TNR: variants seen among roughly 807,000 people sequenced by gnomAD.
The protein encoded by TNR is tenascin-R.
Under a neutral mutation model 150.4 loss-of-function variants are expected in TNR, and 45 were observed. The ratio of observed to expected loss-of-function variants is 0.30; its 90% CI spans 0.24 to 0.38. The LOEUF (loss-of-function observed/expected upper bound fraction) is 0.38, where lower values mean the gene tolerates loss of function less well. Ranked by LOEUF, TNR falls within the 10% of genes least tolerant of loss-of-function variation. The pLI is 1.00. For missense variants in TNR, 1,544 were observed against 1,759.1 expected (o/e 0.88, Z 2.19); for synonymous variants, 687 against 678.4 (o/e 1.01, Z -0.20).
intron 1 of TNR, among the ~76,000 whole-genome samples, chr1:175,596,793 G>A (rs1472241830): frequency 6.6e-6 from 1 of 152,124 alleles, no homozygotes; most frequent in Non-Finnish European, 1.5e-5. Flanking sequence ...AAGTCATAAA[G>A]CTCAGCCTTT....
At chr1:175,688,218 G>A (rs964701013) in intron 1 of TNR, among the ~76,000 whole-genome samples, 2 of 152,220 alleles carry the variant, frequency 1.3e-5, no homozygotes, top group African/African-American at 4.8e-5. Context: ...TGGGTACAGG[G>A]AGGAGCCCCA....
chr1:175,418,384 T>C (rs1444629924), intron 2 of TNR, among the ~76,000 whole-genome samples: 1 of 152,162 alleles, frequency 6.6e-6, no homozygotes, highest in East Asian at 1.9e-4. Flanking sequence ...GCTTTTGAGC[T>C]GGGTCTTGAA....
chr1:175,353,417 T>C (rs140924866), intron 18 of TNR, among the ~76,000 whole-genome samples: 3 of 152,364 alleles, frequency 2.0e-5, no homozygotes, highest in East Asian at 1.9e-4. Flanking sequence ...TTTCCTGTTA[T>C]AGAGATTAGG....
intron 1 of TNR, among the ~76,000 whole-genome samples, chr1:175,624,496 T>C (rs923744680): frequency 6.6e-5 from 10 of 152,126 alleles, no homozygotes; most frequent in African/African-American, 2.4e-4. Flanking sequence ...AAGAACTCCA[T>C]GTAACAACAG....
Position 175,633,555 on chromosome 1 carries a change from A to G in TNR, c.-164-105186T>C, listed in dbSNP as rs1158642702. Among the ~76,000 whole-genome samples the G allele has an allele frequency of 2.6e-5, 4 of 152,192 alleles. No individual in the cohort carries two copies. The East Asian group carries it at 7.7e-4, about 29-fold the overall frequency. On this transcript the variant is annotated intron_variant, in intron 1 of 22. Transcript: ENST00000367674. ...CTTTCAAGGTGGCATATGTAATTAC[A>G]ATTAATTAAATATTCTGCTACCTAA...
chr1:175,367,097 T>C, intron 10 of TNR, 111 bp downstream of exon 10: 2 of 873,086 alleles, frequency 2.3e-6, no homozygotes, highest in Non-Finnish European at 1.9e-6. Flanking sequence ...ACCAGAGCCC[T>C]GTTCACTGGA....
chr1:175,655,446 T>C (rs893429537), intron 1 of TNR, among the ~76,000 whole-genome samples: 1 of 152,228 alleles, frequency 6.6e-6, no homozygotes, highest in Non-Finnish European at 1.5e-5. Context: ...AGAGAGGCTG[T>C]ATACTGTCAC....
intron 2 of TNR, among the ~76,000 whole-genome samples, chr1:175,494,799 T>G (rs548330137): frequency 6.6e-6 from 1 of 152,184 alleles, no homozygotes; most frequent in Non-Finnish European, 1.5e-5. Context: ...AATGCCTCAA[T>G]GATATCGAAG....
At position 175,558,560 on chromosome 1, in the gene TNR, C is replaced by G. The variant is rs533303910; in HGVS notation, c.-164-30191G>C. On this transcript the variant is annotated intron_variant, in intron 1 of 22. Coordinates refer to ENST00000367674, the MANE Select transcript of TNR (RefSeq NM_003285.3). ...AAAGTCATATTCTGAACTACTATGA[C>G]ATACTGCTCCAATCTTGTTAGAATG... 1.8e-4 allele frequency among the ~76,000 whole-genome samples: 27 copies of G among 152,298 alleles called. No homozygotes were observed. In the East Asian group the frequency reaches 5.2e-3, roughly 29 times the overall value.
intron 1 of TNR, among the ~76,000 whole-genome samples, chr1:175,637,712 C>T (rs559628886): frequency 6.6e-6 from 1 of 152,144 alleles, no homozygotes; most frequent in Non-Finnish European, 1.5e-5. Flanking sequence ...GTTGGATGAA[C>T]TTCAGTGCGG....
At chr1:175,430,869 TGGGTTGTTTTATATTTTGTA>T (rs1312921891) in intron 2 of TNR, among the ~76,000 whole-genome samples, 2 of 152,178 alleles carry the variant, frequency 1.3e-5, no homozygotes, top group Non-Finnish European at 2.9e-5. Context: ...ACTGCAATAA[TGGGTTGTTTTATATTTTGTA>T]GTAAAAAATA....
chr1:175,595,246 T>A (rs912465846), intron 1 of TNR, among the ~76,000 whole-genome samples: 1 of 152,178 alleles, frequency 6.6e-6, no homozygotes, highest in Non-Finnish European at 1.5e-5. Context: ...TGGTAGAGAA[T>A]GCATTATGTG....
At chr1:175,326,333 T>C (rs1649394442) in intron 21 of TNR, among the ~76,000 whole-genome samples, 1 of 152,204 alleles carries the variant, frequency 6.6e-6, no homozygotes, top group South Asian at 2.1e-4. Context: ...GCTTTTGAGC[T>C]TGTGTTAAGC....
At chr1:175,334,242 C>T (rs763155798) in intron 20 of TNR, among the ~76,000 whole-genome samples, 7 of 152,176 alleles carry the variant, frequency 4.6e-5, no homozygotes, top group Non-Finnish European at 1.0e-4. Context: ...TGGCTGGCTG[C>T]CCTCCTCACT....
intron 2 of TNR, among the ~76,000 whole-genome samples, chr1:175,471,772 T>A (rs1248471842): frequency 6.6e-6 from 1 of 152,186 alleles, no homozygotes; most frequent in African/African-American, 2.4e-5. Flanking sequence ...TTTTCTTCAA[T>A]TATAAATTAA....
chr1:175,681,041 A>C (rs1345445842), intron 1 of TNR, among the ~76,000 whole-genome samples: 1 of 152,170 alleles, frequency 6.6e-6, no homozygotes, highest in Non-Finnish European at 1.5e-5. Context: ...AGTGCCTGGC[A>C]CATAGGAAGA....
chr1:175,395,590 A>G (rs1387578108), intron 5 of TNR, among the ~76,000 whole-genome samples: 2 of 124,432 alleles, frequency 1.6e-5, no homozygotes, highest in Non-Finnish European at 3.4e-5. Context: ...GACTTTCCAC[A>G]TAAGGCACAG....
At position 175,356,352 on chromosome 1, in the gene TNR, T is replaced by C; in HGVS notation, c.3085A>G (p.Thr1029Ala). The C allele has an allele frequency of 3.1e-6, 5 of 1,614,000 alleles. No individual in the cohort carries two copies. The highest frequency in any genetic ancestry group is 4.2e-6 in the Non-Finnish European group (5 of 1,179,936). The change falls in exon 16 of 23, where the codon ACC (threonine) becomes GCC (alanine). Residue 1029 changes from threonine to alanine, a missense_variant. Physicochemically the swap from Thr to Ala is moderately conservative, Grantham distance 58 (BLOSUM62 0). Around this residue, in one of 2 missense-constraint regions of TNR, gnomAD observed 1,254 missense variants for 1,329.4 expected, o/e 0.94. Coordinates refer to ENST00000367674, the MANE Select transcript of TNR (RefSeq NM_003285.3). ...AAGTTGGTGCTGATGGTGCCACTGG[T>C]GAGAGGTCCATTGGTGGCATACATG... ...ATMYATNGPL[T>A]SGTISTNFST...
chr1:175,343,795 T>G (rs945827329), intron 18 of TNR, among the ~76,000 whole-genome samples: 3 of 152,174 alleles, frequency 2.0e-5, no homozygotes, highest in African/African-American at 7.2e-5. Context: ...TCTGAAAACA[T>G]TTGGGACAAC....
Sources: allele counts gnomAD v4.1 joint callset (sites outside exome capture counted in the v4.1 genomes callset), GRCh38; gene constraint gnomAD v4.1.1; regional missense constraint gnomAD v4.1.1; transcripts MANE v1.5; gene names NCBI Gene and HGNC (gene_info 2026-07-23, HGNC 2026-07-21).